Variants in GALNT14 observed in about 807,000 individuals in gnomAD.
GALNT14 encodes polypeptide N-acetylgalactosaminyltransferase 14.
GALNT14 carries 60 observed loss-of-function variants against 77.5 expected under a neutral mutation model. That is an observed-to-expected ratio of 0.77 (90% CI 0.63 to 0.96). The LOEUF (loss-of-function observed/expected upper bound fraction) is 0.96, where lower values mean the gene tolerates loss of function less well. Among genes scored for constraint, GALNT14 ranks in the 40% least tolerant of loss-of-function variants. The pLI, the probability that GALNT14 is intolerant of heterozygous loss-of-function variation, is 0.00. For synonymous variants in GALNT14, 280 were observed against 281.7 expected (o/e 0.99, Z 0.06); for missense variants, 710 against 731.0 (o/e 0.97, Z 0.33).
At chr2:31,041,805 C>T (rs1299810499) in intron 1 of GALNT14, among the ~76,000 whole-genome samples, 1 of 152,076 alleles carries the variant, frequency 6.6e-6, no homozygotes, top group Admixed American at 6.5e-5. Flanking sequence ...ATGTCTTGGG[C>T]ACCTGAACTA....
In GALNT14 at chr2:30,966,252, A is replaced by G. The variant is rs763126976; in HGVS notation, c.350T>C (p.Ile117Thr). The G allele has an allele frequency of 4.3e-6, 7 of 1,613,892 alleles. No homozygotes were observed. Among genetic ancestry groups the G allele is most frequent in the Middle Eastern group, 3.3e-4 (2 of 6,080 alleles). Residue 117 changes from isoleucine to threonine, a missense_variant, in exon 3 of 15, where the codon ATC becomes ACC. Coordinates refer to ENST00000349752, the MANE Select transcript of GALNT14 (RefSeq NM_024572.4). ...GGAGCGGGCCTCGTTGTGGAAGGTGATGATGATGCTAGTGGGTGGAAGGTC... is the reference window on the plus strand; with the variant it reads ...GGAGCGGGCCTCGTTGTGGAAGGTGGTGATGATGCTAGTGGGTGGAAGGTC... ...CTDLPPTSII[I>T]TFHNEARSTL...
At chr2:30,995,319 T>TA (rs1169370626) in intron 1 of GALNT14, among the ~76,000 whole-genome samples, 2 of 152,166 alleles carry the variant, frequency 1.3e-5, no homozygotes, top group Non-Finnish European at 2.9e-5. Flanking sequence ...GATACACACA[T>TA]ACTTACCATT....
intron 1 of GALNT14, among the ~76,000 whole-genome samples, chr2:31,035,552 A>AGTGTGTGTGT (rs1558511968): frequency 9.7e-6 from 1 of 103,290 alleles, no homozygotes; most frequent in East Asian, 3.7e-4. Flanking sequence ...GGATAAAGAA[A>AGTGTGTGTGT]ATGTGTGTGT....
chr2:31,032,664 C>T (rs1672490989), intron 1 of GALNT14, among the ~76,000 whole-genome samples: 4 of 152,076 alleles, frequency 2.6e-5, no homozygotes, highest in Admixed American at 2.6e-4. Context: ...ATTTCCCAAT[C>T]CCCACATACC....
intron 1 of GALNT14, among the ~76,000 whole-genome samples, chr2:31,058,817 G>A (rs1430210038): frequency 6.6e-6 from 1 of 152,194 alleles, no homozygotes; most frequent in Non-Finnish European, 1.5e-5. Flanking sequence ...GAGACATTAA[G>A]AGAATTGTCC....
intron 1 of GALNT14, among the ~76,000 whole-genome samples, chr2:31,122,992 T>C (rs1456940496): frequency 1.3e-5 from 2 of 151,982 alleles, no homozygotes; most frequent in African/African-American, 4.8e-5. Context: ...CCATCCTGGC[T>C]AACACAGTGA....
At position 30,932,106 on chromosome 2, in the gene GALNT14, G is replaced by A; in HGVS notation, c.1020C>T (p.Pro340=). The A allele has an allele frequency of 6.3e-7, 1 of 1,578,110 alleles. No homozygotes were observed. Among genetic ancestry groups the A allele is most frequent in the Non-Finnish European group, 8.6e-7 (1 of 1,161,746 alleles). The change falls in exon 10 of 15, where the codon CCC becomes CCT. Residue 340 remains proline, a synonymous_variant. Coordinates refer to ENST00000349752, the MANE Select transcript of GALNT14 (RefSeq NM_024572.4). ...RVGHVFRKKH[P]YVFPDGNANT... ...TGGCATTTCCATCAGGGAAAACGTAGGGGTGCTTCTTCCGGAAGACGTGCC... is the reference window on the plus strand; with the variant it reads ...TGGCATTTCCATCAGGGAAAACGTAAGGGTGCTTCTTCCGGAAGACGTGCC...
chr2:30,944,571 C>G (rs1474925208), intron 8 of GALNT14, among the ~76,000 whole-genome samples: 1 of 152,178 alleles, frequency 6.6e-6, no homozygotes, highest in Admixed American at 6.5e-5. Context: ...TGGGACCACT[C>G]AACCAACGTT....
intron 1 of GALNT14, among the ~76,000 whole-genome samples, chr2:31,119,632 T>G (rs1244942445): frequency 6.6e-6 from 1 of 152,220 alleles, no homozygotes; most frequent in African/African-American, 2.4e-5. Context: ...AAAGCAATCT[T>G]AAAATATACA....
chr2:30,966,360 G>A (rs1044212210), intron 2 of GALNT14, 58 bp from the exon 3 acceptor site: 13 of 1,324,156 alleles, frequency 9.8e-6, no homozygotes, highest in Admixed American at 1.7e-5. Context: ...ATATCTGGAG[G>A]GCTAGAACCG....
chr2:30,964,912 T>G (rs1667904157), intron 3 of GALNT14, among the ~76,000 whole-genome samples: 1 of 152,050 alleles, frequency 6.6e-6, no homozygotes, highest in East Asian at 1.9e-4. Flanking sequence ...AGGAAAAGTG[T>G]AGCCTGCATG....
At chr2:30,942,770 T>C (rs1234559516) in intron 8 of GALNT14, among the ~76,000 whole-genome samples, 5 of 152,190 alleles carry the variant, frequency 3.3e-5, no homozygotes, top group Non-Finnish European at 7.4e-5. Context: ...CACATCTGTT[T>C]CCTGAAACTG....
chr2:30,926,915 T>G (rs909833103), intron 11 of GALNT14, among the ~76,000 whole-genome samples: 6 of 152,150 alleles, frequency 3.9e-5, no homozygotes, highest in African/African-American at 1.4e-4. Flanking sequence ...AGCTGGGCAC[T>G]GGAGGAATGG....
rs866450757 is a variant in GALNT14, at chr2:31,057,318, A to T, written c.130-64311T>A. Among the ~76,000 whole-genome samples, 978 of 123,472 alleles carry T rather than the reference A, an allele frequency of 7.9e-3. 2 individuals carry two copies. Among genetic ancestry groups the T allele is most frequent in the Middle Eastern group, 0.013 (3 of 234 alleles). The allele number at this position is 123,472 out of a possible 152,430, so 81.0% of individuals were successfully genotyped here. ...TTATATATATATATATATATATATA[A>T]AATTATATATTATATATACACGTAT... On this transcript the variant is annotated intron_variant, in intron 1 of 14. Transcript: ENST00000349752.
intron 10 of GALNT14, among the ~76,000 whole-genome samples, chr2:30,930,859 G>A (rs1461724063): frequency 6.6e-6 from 1 of 152,230 alleles, no homozygotes; most frequent in Non-Finnish European, 1.5e-5. Context: ...AGACATCTGT[G>A]CCACAATCTT....
In GALNT14 at chr2:30,994,711, CA is replaced by C. The variant is rs144859014; in HGVS notation, c.130-1705del. On this transcript the variant is annotated intron_variant, in intron 1 of 14. Transcript: ENST00000349752. ...CACGGTAACCTTGAAATCCCATCCT[CA>C]TGGGAAGGGCCATAGAACTGTCTCC... Among the ~76,000 whole-genome samples, 1,087 of 152,266 alleles carry C rather than the reference CA, an allele frequency of 7.1e-3. 8 individuals carry two copies. The highest frequency in any genetic ancestry group is 0.024 in the African/African-American group (1,016 of 41,544).
At chr2:30,962,460 C>T (rs1180378823) in intron 3 of GALNT14, among the ~76,000 whole-genome samples, 1 of 152,200 alleles carries the variant, frequency 6.6e-6, no homozygotes, top group African/African-American at 2.4e-5. Flanking sequence ...TGCCTCAGAG[C>T]CCCCATGGGA....
intron 1 of GALNT14, among the ~76,000 whole-genome samples, chr2:31,083,569 C>T (rs576433817): frequency 1.3e-5 from 2 of 152,304 alleles, no homozygotes; most frequent in East Asian, 3.9e-4. Flanking sequence ...ATCCTTCACC[C>T]AGTTTTAACC....
chr2:30,974,229 A>G (rs1668513850), intron 2 of GALNT14, among the ~76,000 whole-genome samples: 1 of 152,202 alleles, frequency 6.6e-6, no homozygotes, highest in Admixed American at 6.5e-5. Context: ...ACCCAATGTG[A>G]TTAAATGTAG....
Sources: gnomAD v4.1 joint callset for allele counts (sites outside exome capture counted in the v4.1 genomes callset) on GRCh38, gnomAD v4.1.1 for gene constraint, MANE v1.5 for transcripts, NCBI Gene and HGNC (gene_info 2026-07-23, HGNC 2026-07-21) for gene names.